Variants in UROC1 observed in about 807,000 individuals in gnomAD.
UROC1 encodes the protein urocanate hydratase 1.
In UROC1, 79 loss-of-function variants were observed where a neutral mutation model predicts 89.5. The observed-to-expected ratio is 0.88, with a 90% confidence interval of 0.74 to 1.06. UROC1 has a LOEUF of 1.06. UROC1 is among the 50% of genes least tolerant of loss of function. The probability of loss-of-function intolerance (pLI) is 0.00; values close to 1 mark genes in which losing one functional copy is unlikely to be tolerated. For synonymous variants in UROC1, 361 were observed against 354.8 expected, an observed-to-expected ratio of 1.02 and a Z score of -0.20; for missense variants, 885 against 907.8, an observed-to-expected ratio of 0.97 and a Z score of 0.32.
chr3:126,505,611 T>A, intron 8 of UROC1, 90 bp downstream of exon 8: 1 of 1,520,818 alleles, frequency 6.6e-7, no homozygotes, highest in East Asian at 2.4e-5. Flanking sequence ...AAGGGGGGTC[T>A]GTGGTGTAAG....
intron 18 of UROC1, among the ~76,000 whole-genome samples, chr3:126,486,402 GTGGCCCAGCCAGAT>G (rs1935516442): frequency 6.6e-6 from 1 of 152,264 alleles, no homozygotes; most frequent in Non-Finnish European, 1.5e-5. Context: ...CTTGCACTCT[GTGGCCCAGCCAGAT>G]GGCTCTGTCC....
intron 13 of UROC1, 71 bp from the exon 14 acceptor site, chr3:126,498,243 G>A: frequency 2.5e-6 from 4 of 1,611,050 alleles, no homozygotes; most frequent in African/African-American, 1.3e-5. Flanking sequence ...GTGTGAGCAT[G>A]CCAGGGAGGA....
intron 1 of UROC1, among the ~76,000 whole-genome samples, chr3:126,514,551 T>A (rs1936259332): frequency 6.6e-6 from 1 of 152,132 alleles, no homozygotes; most frequent in African/African-American, 2.4e-5. Context: ...ACACGCACGT[T>A]AGTTCATCCA....
At chr3:126,493,040 C>T (rs992803781) in intron 15 of UROC1, among the ~76,000 whole-genome samples, 2 of 152,192 alleles carry the variant, frequency 1.3e-5, no homozygotes, top group African/African-American at 2.4e-5. Flanking sequence ...AGCCACCTGT[C>T]TACAGGTTGA....
chr3:126,508,178 C>A, intron 4 of UROC1, 83 bp from the exon 5 acceptor site: 1 of 1,609,588 alleles, frequency 6.2e-7, no homozygotes, highest in Non-Finnish European at 8.5e-7. Context: ...CACGCCTGGA[C>A]AGCTCCCACA....
chr3:126,495,950 A>G, intron 15 of UROC1, 88 bp downstream of exon 15: 2 of 1,318,722 alleles, frequency 1.5e-6, no homozygotes, highest in Non-Finnish European at 2.1e-6. Flanking sequence ...GCTGTGGACC[A>G]GGCTGAGCGC....
chr3:126,483,968 C>T (rs895342104), intron 18 of UROC1, among the ~76,000 whole-genome samples: 5 of 152,002 alleles, frequency 3.3e-5, no homozygotes, highest in Admixed American at 2.6e-4. Flanking sequence ...CCTCTTGCTT[C>T]GACCTCCCAA....
intron 16 of UROC1, among the ~76,000 whole-genome samples, chr3:126,490,558 G>A (rs1287586279): frequency 2.6e-5 from 4 of 152,132 alleles, no homozygotes; most frequent in Non-Finnish European, 5.9e-5. Flanking sequence ...TGTGGTGCAC[G>A]CCTGTAATCA....
chr3:126,482,430 G>A lies in UROC1; in HGVS notation c.1946C>T (p.Thr649Ile). The A allele has an allele frequency of 6.2e-7, 1 of 1,614,054 alleles. No individual in the cohort carries two copies. The highest frequency in any genetic ancestry group is 8.5e-7 in the Non-Finnish European group (1 of 1,180,010). The change falls in exon 20 of 20, where the codon ACC (threonine) becomes ATC (isoleucine). Residue 649 changes from threonine to isoleucine, a missense_variant. By Grantham distance (89) the Thr-to-Ile change is moderately conservative (BLOSUM62 -1). Transcript: ENST00000290868. The stretch of plus-strand genomic sequence containing the variant: ...CACCAAGGTGCTGTTCTCCTGCATG[G>A]TCTGGCAGATGATCTCATAGGCCTT... Reference protein sequence around the residue: ...NQKAYEIICQTMQENSTLVVT... With the variant: ...NQKAYEIICQIMQENSTLVVT...
chr3:126,488,310 C>A (rs1275475197), intron 17 of UROC1, 31 bp from the exon 18 acceptor site: 5 of 1,612,810 alleles, frequency 3.1e-6, no homozygotes, highest in Non-Finnish European at 4.2e-6. Context: ...CTGCTCATCA[C>A]CCCCTGCACT....
chr3:126,491,265 C>A (rs533285414), intron 16 of UROC1, among the ~76,000 whole-genome samples: 1 of 152,372 alleles, frequency 6.6e-6, no homozygotes, highest in South Asian at 2.1e-4. Context: ...AACCCTGTCG[C>A]AATGTGTGCC....
In UROC1 at chr3:126,508,423, C is replaced by T; in HGVS notation, c.404G>A (p.Trp135Ter). 1.2e-6 allele frequency: 2 copies of T among 1,614,002 alleles called. No homozygotes were observed. The highest frequency in any genetic ancestry group is 1.7e-6 in the Non-Finnish European group (2 of 1,179,974). Residue 135 changes from tryptophan (W) to a stop codon, truncating the protein, a stop_gained, in exon 4 of 20, where the codon TGG becomes TAG. Coordinates refer to ENST00000290868, the MANE Select transcript of UROC1 (RefSeq NM_144639.3). LOFTEE classifies it high-confidence loss of function. The part of the protein sequence containing the change: ...YGGNGQVFSN[W>*]AQFWLTMFYL... ...CCACACGGTGTGCAGTACCTGAGCC[C>T]AGTTGCTGAACACCTGCCCATTTCC... is the stretch of plus-strand genomic sequence containing the variant.
At chr3:126,499,121 C>T (rs1223416289) in intron 13 of UROC1, among the ~76,000 whole-genome samples, 4 of 151,780 alleles carry the variant, frequency 2.6e-5, no homozygotes, top group Non-Finnish European at 4.4e-5. Context: ...CTGCAGGAGG[C>T]GTCTCTCGTC....
intron 11 of UROC1, 93 bp from the exon 12 acceptor site, chr3:126,500,247 A>G (rs1003537770): frequency 1.1e-4 from 130 of 1,230,104 alleles, no homozygotes; most frequent in Non-Finnish European, 1.8e-5. Context: ...CTCCCCACCA[A>G]CTTCCAGCCC....
Position 126,507,966 on chromosome 3 carries a change from C to A in UROC1, c.540+1G>T, listed in dbSNP as rs1936107213. The A allele has an allele frequency of 3.1e-6, 5 of 1,613,890 alleles. No homozygotes were observed. The highest frequency in any genetic ancestry group is 4.2e-6 in the Non-Finnish European group (5 of 1,180,026). On this transcript the variant is annotated splice_donor_variant, in intron 5 of 19. Transcript: ENST00000290868. LOFTEE classifies it high-confidence loss of function. Reference sequence around the variant, plus strand: ...TGCTGTGCCACCTGCTGGGGACCCACCATCCCATTGGTGATGACGAGCCGT... The same window carrying A: ...TGCTGTGCCACCTGCTGGGGACCCAACATCCCATTGGTGATGACGAGCCGT...
intron 15 of UROC1, among the ~76,000 whole-genome samples, chr3:126,494,462 C>G (rs567816106): frequency 6.6e-6 from 1 of 152,336 alleles, no homozygotes; most frequent in Admixed American, 6.5e-5. Flanking sequence ...TGACTCAGCA[C>G]CGTCACAGAG....
intron 3 of UROC1, among the ~76,000 whole-genome samples, chr3:126,509,110 C>T (rs1369265762): frequency 6.6e-6 from 1 of 151,734 alleles, no homozygotes; most frequent in East Asian, 1.9e-4. Context: ...GTGGCGGGTG[C>T]CTGTAGTCCC....
intron 18 of UROC1, among the ~76,000 whole-genome samples, chr3:126,486,061 G>A (rs955640949): frequency 1.3e-5 from 2 of 152,180 alleles, no homozygotes; most frequent in African/African-American, 2.4e-5. Flanking sequence ...AGAATCCATC[G>A]GCGCCCCAGG....
At chr3:126,511,101 G>A (rs1936185851) in intron 1 of UROC1, among the ~76,000 whole-genome samples, 1 of 152,076 alleles carries the variant, frequency 6.6e-6, no homozygotes, top group Non-Finnish European at 1.5e-5. Context: ...ACCAGAGAGG[G>A]GCCTGCCTGA....
Sources: allele counts gnomAD v4.1 joint callset (sites outside exome capture counted in the v4.1 genomes callset), GRCh38; gene constraint gnomAD v4.1.1; transcripts MANE v1.5; gene names NCBI Gene and HGNC (gene_info 2026-07-23, HGNC 2026-07-21).